The following MATR3 variants were observed in gnomAD, a reference collection of about 807,000 sequenced individuals.
The protein encoded by MATR3 is matrin-3.
MATR3 carries 4 observed loss-of-function variants against 85.5 expected under a neutral mutation model. The observed-to-expected ratio is 0.05, with a 90% CI of 0.02 to 0.11. MATR3 has a LOEUF of 0.11. Among genes scored for constraint, MATR3 ranks in the 10% least tolerant of loss-of-function variants. The probability of loss-of-function intolerance (pLI) is 1.00; values close to 1 mark genes in which losing one functional copy is unlikely to be tolerated. For missense variants in MATR3, 685 were observed against 1,016.1 expected, an observed-to-expected ratio of 0.67 and a Z score of 4.43; for synonymous variants, 336 against 343.1, an observed-to-expected ratio of 0.98 and a Z score of 0.23.
intron 1 of MATR3, chr5:139,294,926 G>T (rs977291686): frequency 1.3e-5 from 2 of 152,136 alleles, no homozygotes; most frequent in African/African-American, 4.8e-5. Context: ...TTTCTAGAAC[G>T]GTTATGGTGG....
chr5:139,318,342 C>T (rs1344369207), intron 7 of MATR3, among the ~76,000 whole-genome samples: 1 of 152,152 alleles, frequency 6.6e-6, no homozygotes, highest in Non-Finnish European at 1.5e-5. Flanking sequence ...CCATGTTGGC[C>T]AGGCTGGTCT....
intron 9 of MATR3, 157 bp from the exon 10 acceptor site, chr5:139,321,741 C>A: frequency 1.4e-6 from 1 of 728,162 alleles, no homozygotes. Flanking sequence ...CAGGATTGCG[C>A]CACTGCATTC....
In MATR3 at chr5:139,329,805, T is replaced by A. The variant is rs1338193174; in HGVS notation, c.*410T>A. On this transcript the variant is annotated 3_prime_UTR_variant, in exon 15 of 15. Coordinates refer to ENST00000394805, the MANE Select transcript of MATR3 (RefSeq NM_018834.6). ...TTTTTATTACTTTCATCTGAAACAT[T>A]CCATGTTTTAATCTGAGCCTTGCAG... The A allele has an allele frequency of 2.2e-6, 1 of 454,678 alleles. No individual in the cohort carries two copies. The highest frequency in any genetic ancestry group is 6.9e-5 in the East Asian group (1 of 14,406). The allele number at this position is 454,678 out of a possible 1,614,324, so 28.2% of individuals were successfully genotyped here. A position where few individuals can be genotyped will look rare whatever the true frequency, so the allele number is the denominator to read the frequency against.
At chr5:139,322,094 C>T in intron 10 of MATR3, 65 bp downstream of exon 10, 1 of 1,536,096 alleles carries the variant, frequency 6.5e-7, no homozygotes, top group Non-Finnish European at 9.0e-7. Context: ...CCACAACATT[C>T]TTTTAAACAT....
chr5:139,291,672 G>A (rs1753874629), upstream of MATR3, among the ~76,000 whole-genome samples: 1 of 152,038 alleles, frequency 6.6e-6, no homozygotes, highest in African/African-American at 2.4e-5. Context: ...TCGAGTAGCT[G>A]GGATTACTGG....
intron 1 of MATR3, chr5:139,294,046 G>A (rs940001244): frequency 5.6e-6 from 7 of 1,245,498 alleles, no homozygotes; most frequent in Non-Finnish European, 5.1e-6. Flanking sequence ...GTCCGGGAGG[G>A]AAACACGCGG....
intron 2 of MATR3, among the ~76,000 whole-genome samples, chr5:139,309,516 T>TA (rs1211910164): frequency 6.6e-6 from 1 of 152,168 alleles, no homozygotes; most frequent in Non-Finnish European, 1.5e-5. Flanking sequence ...TGTTAAAGAG[T>TA]ATTACCAGTC....
At chr5:139,297,554 C>G (rs1229254486) in intron 1 of MATR3, among the ~76,000 whole-genome samples, 1 of 152,046 alleles carries the variant, frequency 6.6e-6, no homozygotes, top group Non-Finnish European at 1.5e-5. Context: ...TAGGTTTTAA[C>G]GCATTTCTAT....
chr5:139,295,837 A>T (rs1286720833), intron 1 of MATR3, among the ~76,000 whole-genome samples: 2 of 152,142 alleles, frequency 1.3e-5, no homozygotes, highest in Non-Finnish European at 2.9e-5. Flanking sequence ...TTTTTCTCTG[A>T]AACAGGATCG....
rs117110049 is a variant in MATR3 at position 139,288,347 on chromosome 5, C to T, written c.-178+9218C>T. ...TAAGTTCCTCAATAAATAATTACTT[C>T]GTTGAAAAAGTTTGACTTTCTCTGC... On this transcript the variant is annotated intron_variant, in intron 3 of 16. Transcript: ENST00000509990. 1.4e-3 allele frequency among the ~76,000 whole-genome samples: 213 copies of T among 152,298 alleles called. 5 individuals are homozygous for T. The East Asian group carries it at 0.04, about 29-fold the overall frequency.
intron 7 of MATR3, among the ~76,000 whole-genome samples, chr5:139,318,061 T>C (rs1755343410): frequency 6.6e-6 from 1 of 152,206 alleles, no homozygotes; most frequent in Non-Finnish European, 1.5e-5. Context: ...GATAAAGTAA[T>C]GCAGTAGAAA....
At chr5:139,314,603 A>C in intron 2 of MATR3, 72 bp from the exon 3 acceptor site, 2 of 1,221,886 alleles carry the variant, frequency 1.6e-6, no homozygotes, top group Non-Finnish European at 2.4e-6. Context: ...TTAATATCCT[A>C]GAGTTTGAAT....
At chr5:139,316,747 C>T (rs532775869) in intron 5 of MATR3, among the ~76,000 whole-genome samples, 103 of 152,084 alleles carry the variant, frequency 6.8e-4, no homozygotes, top group Admixed American at 1.0e-3. Flanking sequence ...GCAGGGGTTT[C>T]GCGGTGTTGC....
intron 1 of MATR3, among the ~76,000 whole-genome samples, chr5:139,275,480 A>G (rs568778978): frequency 6.6e-6 from 1 of 152,122 alleles, no homozygotes; most frequent in South Asian, 2.1e-4. Flanking sequence ...CTCTCACTGG[A>G]TAACTTTTCC....
chr5:139,325,714 T>C, intron 13 of MATR3, 52 bp downstream of exon 13: 2 of 1,477,410 alleles, frequency 1.4e-6, no homozygotes, highest in South Asian at 2.3e-5. Flanking sequence ...CAAAACAAAC[T>C]CTTAGGTTTT....
chr5:139,291,392 G>A (rs1753864570), upstream of MATR3, among the ~76,000 whole-genome samples: 2 of 152,150 alleles, frequency 1.3e-5, no homozygotes, highest in Non-Finnish European at 1.5e-5. Flanking sequence ...CTGCTCTTTG[G>A]CTGAGGCCTA....
chr5:139,287,356 C>T (rs566809073), intron 3 of MATR3, among the ~76,000 whole-genome samples: 2 of 152,206 alleles, frequency 1.3e-5, no homozygotes, highest in Non-Finnish European at 2.9e-5. Context: ...AGGAGGCTCA[C>T]GCCTGTAATC....
intron 12 of MATR3, among the ~76,000 whole-genome samples, chr5:139,325,066 G>A (rs950502221): frequency 9.2e-5 from 14 of 151,954 alleles, no homozygotes; most frequent in African/African-American, 2.9e-4. Context: ...GGTGGCGTGC[G>A]CCTGTAGTCC....
chr5:139,316,855 A>G (rs1350956367), intron 5 of MATR3, among the ~76,000 whole-genome samples, 198 bp from the exon 6 acceptor site: 1 of 152,190 alleles, frequency 6.6e-6, no homozygotes, highest in Non-Finnish European at 1.5e-5. Context: ...CCCATTCTGA[A>G]AATTAAAGGC....
Sources: gnomAD v4.1 joint callset for allele counts (sites outside exome capture counted in the v4.1 genomes callset) on GRCh38, gnomAD v4.1.1 for gene constraint, MANE v1.5 for transcripts, NCBI Gene and HGNC (gene_info 2026-07-23, HGNC 2026-07-21) for gene names.